Variants in PARD6G observed in about 807,000 individuals in gnomAD.
The protein encoded by PARD6G is par-6 family cell polarity regulator gamma.
In PARD6G, 7 loss-of-function variants were observed where a neutral mutation model predicts 10.7. The ratio of observed to expected loss-of-function variants is 0.66; its 90% confidence interval spans 0.37 to 1.23. The LOEUF (loss-of-function observed/expected upper bound fraction) is 1.23, where lower values mean the gene tolerates loss of function less well. PARD6G is among the 50% of genes most tolerant of loss of function. The probability of loss-of-function intolerance (pLI) is 0.02; values close to 1 mark genes in which losing one functional copy is unlikely to be tolerated. For synonymous variants in PARD6G, 287 were observed against 269.4 expected (o/e 1.07, Z -0.64); for missense variants, 548 against 571.8 (o/e 0.96, Z 0.42).
chr18:80,196,678 A>G (rs1404559753), intron 2 of PARD6G, among the ~76,000 whole-genome samples: 1 of 152,180 alleles, frequency 6.6e-6, no homozygotes, highest in Non-Finnish European at 1.5e-5. Context: ...GCGGCTGCTC[A>G]CAGCGCCTGC....
intron 1 of PARD6G, among the ~76,000 whole-genome samples, chr18:80,204,379 T>A (rs1967036465): frequency 6.6e-6 from 1 of 152,104 alleles, no homozygotes; most frequent in African/African-American, 2.4e-5. Flanking sequence ...AGAATCTGCA[T>A]TTTAACAAGT....
At chr18:80,202,638 G>GA (rs5826691) in intron 2 of PARD6G, 72 bp downstream of exon 2, 480,992 of 1,362,832 alleles carry the variant, frequency 0.35, 90,389 homozygotes, top group South Asian at 0.55. Flanking sequence ...TGTAATGACA[G>GA]AAAAAATTGA....
At position 80,187,398 on chromosome 18, in the gene PARD6G, G is replaced by T. The variant is rs146746444; in HGVS notation, c.295+15312C>A. On this transcript the variant is annotated intron_variant, in intron 2 of 2. Transcript: ENST00000353265. ...GTGTCCCTCAGGCTACACACGAGGC[G>T]TGTGTGTGAGAAGGATTCTACCCAC... is the stretch of plus-strand genomic sequence containing the variant. Among the ~76,000 whole-genome samples, 60 of 152,168 alleles carry T rather than the reference G, an allele frequency of 3.9e-4. 1 individual carries two copies. Among genetic ancestry groups the T allele is most frequent in the Admixed American group, 6.5e-4 (10 of 15,282 alleles).
chr18:80,206,413 G>A lies in PARD6G; in HGVS notation c.73-3481C>T, dbSNP rs373519102. 5.9e-5 allele frequency among the ~76,000 whole-genome samples: 9 copies of A among 152,284 alleles called. No homozygotes were observed. In the East Asian group the frequency reaches 1.3e-3, roughly 23 times the overall value. ...AAGGAATTAGCAGGTATAATTCATTGTCACATACTTCTTGGTAAAGTCCTT... is the reference window on the plus strand; with the variant it reads ...AAGGAATTAGCAGGTATAATTCATTATCACATACTTCTTGGTAAAGTCCTT... On this transcript the variant is annotated intron_variant, in intron 1 of 2. Transcript: ENST00000353265.
At chr18:80,224,800 TCG>T (rs1967272772) in intron 1 of PARD6G, among the ~76,000 whole-genome samples, 1 of 151,774 alleles carries the variant, frequency 6.6e-6, no homozygotes, top group Non-Finnish European at 1.5e-5. Flanking sequence ...TGAGCCGAGA[TCG>T]CGCCACTGCT....
At chr18:80,212,250 T>C (rs930878462) in intron 1 of PARD6G, among the ~76,000 whole-genome samples, 2 of 152,200 alleles carry the variant, frequency 1.3e-5, no homozygotes, top group Non-Finnish European at 2.9e-5. Flanking sequence ...AATGGTGTCC[T>C]GCCCATGGTT....
intron 1 of PARD6G, among the ~76,000 whole-genome samples, chr18:80,223,802 A>T (rs1221110290): frequency 1.3e-5 from 2 of 152,204 alleles, no homozygotes; most frequent in East Asian, 3.8e-4. Context: ...GGATGTTCCA[A>T]GGGACCAAGG....
Position 80,160,107 on chromosome 18 carries a change from G to A in PARD6G, c.795C>T (p.Ser265=), listed in dbSNP as rs774311274. ...NVVRGGRALG[S]SGPPSDGTAG... ...CGGTGCCGTCCGAGGGCGGTCCCGA[G>A]CTGCCCAACGCGCGGCCGCCGCGCA... Residue 265 remains serine (S), a synonymous_variant, in exon 3 of 3, where the codon AGC becomes AGT. Transcript: ENST00000353265. 9 of 1,609,254 alleles carry A rather than the reference G, an allele frequency of 5.6e-6. No individual in the cohort carries two copies. In the African/African-American group the frequency reaches 1.1e-4, roughly 19 times the overall value.
At chr18:80,203,685 C>CA (rs1967030465) in intron 1 of PARD6G, among the ~76,000 whole-genome samples, 1 of 152,178 alleles carries the variant, frequency 6.6e-6, no homozygotes, top group Admixed American at 6.5e-5. Flanking sequence ...TTAGGAAACT[C>CA]AGAGGCAGGA....
intron 1 of PARD6G, among the ~76,000 whole-genome samples, chr18:80,212,565 C>T (rs900299369): frequency 2.0e-5 from 3 of 152,172 alleles, no homozygotes; most frequent in Non-Finnish European, 4.4e-5. Context: ...CTGTCAGTCA[C>T]TGATTCACCA....
Position 80,247,326 on chromosome 18 carries a change from G to A in PARD6G, c.23C>T (p.Ser8Phe). The A allele has an allele frequency of 1.9e-6, 3 of 1,579,840 alleles. No homozygotes were observed. Among genetic ancestry groups the A allele is most frequent in the East Asian group, 2.5e-5 (1 of 40,796 alleles). ...GCAATCGTAGAATCGCAAGGTCTGAGACTTGTGAAAACTTCGGTTCATGGT... is the reference window on the plus strand; with the variant it reads ...GCAATCGTAGAATCGCAAGGTCTGAAACTTGTGAAAACTTCGGTTCATGGT... MNRSFHKSQTLRFYDCSA... is the reference protein window; with the variant it reads MNRSFHKFQTLRFYDCSA... The change falls in exon 1 of 3, where the codon TCT becomes TTT. Residue 8 changes from serine to phenylalanine, a missense_variant. Coordinates refer to ENST00000353265, the MANE Select transcript of PARD6G (RefSeq NM_032510.4). The surrounding 1 kb of genome is among the most constrained non-coding windows in gnomAD (Gnocchi z 4.2).
chr18:80,168,624 CTT>C (rs958609718), intron 2 of PARD6G, among the ~76,000 whole-genome samples: 1 of 137,128 alleles, frequency 7.3e-6, no homozygotes, highest in Non-Finnish European at 1.6e-5. Context: ...TATGTATAAA[CTT>C]TTTTTTTTTT....
At position 80,159,802 on chromosome 18, in the gene PARD6G, A is replaced by G; in HGVS notation, c.1100T>C (p.Val367Ala). ...CGTGACCGCGGGCCCGTGCTCCTCC[A>G]CGCCGCCTGGCGGCAGCGCCAGGCT... ...RHSLALPPGG[V>A]EEHGPAVTL The change falls in exon 3 of 3, where the codon GTG becomes GCG. Residue 367 changes from valine (V) to alanine (A), a missense_variant. Physicochemically the swap from Val to Ala is moderately conservative, Grantham distance 64 (BLOSUM62 0). This residue lies in a region of PARD6G where 313 missense variants were observed against 279.9 expected (regional missense o/e 1.12). Transcript: ENST00000353265. 6.9e-7 allele frequency: 1 copy of G among 1,454,642 alleles called. No individual in the cohort carries two copies. Among genetic ancestry groups the G allele is most frequent in the Non-Finnish European group, 9.0e-7 (1 of 1,109,900 alleles). 90.1% of individuals were successfully genotyped at this position (1,454,642 alleles called of 1,614,324 possible).
At chr18:80,209,373 G>C (rs1599865381) in intron 1 of PARD6G, among the ~76,000 whole-genome samples, 2 of 152,128 alleles carry the variant, frequency 1.3e-5, no homozygotes, top group African/African-American at 4.8e-5. Flanking sequence ...TCATTATTTA[G>C]ATAATGATTA....
intron 1 of PARD6G, among the ~76,000 whole-genome samples, chr18:80,243,980 C>T (rs1412345927): frequency 2.0e-5 from 3 of 152,066 alleles, no homozygotes; most frequent in African/African-American, 2.4e-5. Flanking sequence ...CTCATGCGGA[C>T]GACAGTGGAA....
chr18:80,186,869 C>G (rs1052324982), intron 2 of PARD6G, among the ~76,000 whole-genome samples: 2 of 152,130 alleles, frequency 1.3e-5, no homozygotes, highest in Non-Finnish European at 2.9e-5. Flanking sequence ...AATCCCAGCA[C>G]TTTGGGAGGC....
At chr18:80,160,788 A>G (rs1254769263) in intron 2 of PARD6G, among the ~76,000 whole-genome samples, 182 bp from the exon 3 acceptor site, 2 of 152,282 alleles carry the variant, frequency 1.3e-5, no homozygotes, top group African/African-American at 4.8e-5. Context: ...CCCTAAAATT[A>G]ACTCTCTAGC....
At position 80,189,445 on chromosome 18, in the gene PARD6G, C is replaced by G. The variant is rs2052895962; in HGVS notation, c.295+13265G>C. ...AGTCCAACACAAACACAACAGTAAG[C>G]CTTTCTAGCAGAGGATGCTAGGCAG... On this transcript the variant is annotated intron_variant, in intron 2 of 2. Transcript: ENST00000353265. The surrounding 1 kb of genome is among the most constrained non-coding windows in gnomAD (Gnocchi z 5.5). 1 of 152,252 alleles carries G rather than the reference C, an allele frequency of 6.6e-6. No individual in the cohort carries two copies. The highest frequency in any genetic ancestry group is 2.1e-4 in the South Asian group (1 of 4,832). 9.4% of individuals were successfully genotyped at this position (152,252 alleles called of 1,614,324 possible). A position where few individuals can be genotyped will look rare whatever the true frequency, so the allele number is the denominator to read the frequency against.
chr18:80,181,447 C>T lies in PARD6G; in HGVS notation c.296-20841G>A, dbSNP rs529388725. On this transcript the variant is annotated intron_variant, in intron 2 of 2. Coordinates refer to ENST00000353265, the MANE Select transcript of PARD6G (RefSeq NM_032510.4). The surrounding 1 kb of genome is among the most constrained non-coding windows in gnomAD (Gnocchi z 7.9). ...GGTCACCAGGGACACGGTGACATGC[C>T]GCTGTGAGCCCTCAAGAAGGCCTCA... Among the ~76,000 whole-genome samples, 13 of 152,258 alleles carry T rather than the reference C, an allele frequency of 8.5e-5. No individual in the cohort carries two copies. The South Asian group carries it at 1.2e-3, about 15-fold the overall frequency.
Sources: allele counts gnomAD v4.1 joint callset (sites outside exome capture counted in the v4.1 genomes callset), GRCh38; gene constraint gnomAD v4.1.1; regional missense constraint gnomAD v4.1.1; non-coding constraint Gnocchi (gnomAD v3.1); transcripts MANE v1.5; gene names NCBI Gene and HGNC (gene_info 2026-07-23, HGNC 2026-07-21).